Variants in TTN observed in about 807,000 individuals in gnomAD.
TTN encodes titin, also known as connectin.
A neutral mutation model predicts 3,223.0 loss-of-function variants in TTN; 1,525 were observed. That is an observed-to-expected ratio of 0.47 (90% CI 0.45 to 0.49). The LOEUF is 0.49. TTN is among the 20% of genes least tolerant of loss of function. TTN has a pLI of 0.00. For missense variants in TTN, 40,786 were observed against 43,424.0 expected (o/e 0.94, Z 5.40); for synonymous variants, 14,094 against 15,161.0 (o/e 0.93, Z 5.17).
At chr2:178,682,412 G>T (rs899861858) in intron 135 of TTN, among the ~76,000 whole-genome samples, 10 of 152,094 alleles carry the variant, frequency 6.6e-5, no homozygotes, top group East Asian at 1.9e-4. Flanking sequence ...TTTTGAAAAA[G>T]AAACTTAGGG....
intron 43 of TTN, among the ~76,000 whole-genome samples, chr2:178,762,199 G>A (rs567389714): frequency 6.6e-6 from 1 of 152,284 alleles, no homozygotes; most frequent in Non-Finnish European, 1.5e-5. Context: ...TTTAGTCCCA[G>A]TGGTATGAAA....
rs747031060 is a variant in TTN at position 178,559,637 on chromosome 2, C to G, written c.86495G>C (p.Ser28832Thr). 1 of 1,613,758 alleles carries G rather than the reference C, an allele frequency of 6.2e-7. No individual in the cohort carries two copies. Reference protein sequence around the residue: ...KYTLTIQNVLSAASLTLVVKV... With the variant: ...KYTLTIQNVLTAASLTLVVKV... The stretch of plus-strand genomic sequence containing the variant: ...GACAACTAAGGTCAGTGAAGCAGCA[C>G]TCAAAACATTCTGAATTGTTAATGT... Residue 28832 changes from serine (S) to threonine (T), a missense_variant, in exon 326 of 363, where the codon AGT becomes ACT. Ser to Thr is a moderately conservative substitution (Grantham distance 58). Coordinates refer to ENST00000589042, the MANE Select transcript of TTN (RefSeq NM_001267550.2).
chr2:178,575,036 C>T lies in TTN; in HGVS notation c.71096G>A (p.Ser23699Asn). ...TILNINECVR[S>N]DSGPYPLTAR... ...TGTTAATGGATAGGGCCCACTATCA[C>T]TTCTGACACACTCATTGATATTTAA... Residue 23699 changes from serine (S) to asparagine (N), a missense_variant, in exon 326 of 363, where the codon AGT becomes AAT. By Grantham distance (46) the Ser-to-Asn change is conservative (BLOSUM62 1). Transcript: ENST00000589042. This position sits in a 1 kb window ranked among gnomAD's most constrained non-coding sequence, Gnocchi z 4.0. The T allele has an allele frequency of 1.2e-6, 2 of 1,613,448 alleles. No homozygotes were observed.
chr2:178,692,165 A>G, intron 120 of TTN, 66 bp from the exon 121 acceptor site: 1 of 1,392,504 alleles, frequency 7.2e-7, no homozygotes, highest in South Asian at 1.2e-5. Context: ...ATCTAAGATT[A>G]CATTAAAGCA....
rs745323281 is a variant in TTN, at chr2:178,587,566, A to G, written c.63743T>C (p.Leu21248Pro). 2.1e-5 allele frequency: 34 copies of G among 1,612,040 alleles called. No homozygotes were observed. Among genetic ancestry groups the G allele is most frequent in the Admixed American group, 5.0e-5 (3 of 59,834 alleles). Residue 21248 changes from leucine (L) to proline (P), a missense_variant, in exon 306 of 363, where the codon CTT becomes CCT. By Grantham distance (98) the Leu-to-Pro change is moderately conservative. Coordinates refer to ENST00000589042, the MANE Select transcript of TTN (RefSeq NM_001267550.2). Reference protein sequence around the residue: ...RDDSGKYSLTLVNPAGEKAVF... With the variant: ...RDDSGKYSLTPVNPAGEKAVF... ...AGCCTTTTCTCCTGCTGGGTTCACA[A>G]GTGTTAAGGAATATTTTCCTGAGTC...
rs1385421498 is a variant in TTN, at chr2:178,561,214, A to G, written c.84918T>C (p.Asn28306=). 8.1e-6 allele frequency: 13 copies of G among 1,613,446 alleles called. No individual in the cohort carries two copies. The highest frequency in any genetic ancestry group is 1.1e-5 in the South Asian group (1 of 91,086). The change falls in exon 326 of 363, where the codon AAT becomes AAC. Residue 28306 remains asparagine, a synonymous_variant. Coordinates refer to ENST00000589042, the MANE Select transcript of TTN (RefSeq NM_001267550.2). ...DGRWLKCNYT[N]IQETYFEVTE... is the part of the protein sequence containing the mutation. The stretch of plus-strand genomic sequence containing the variant: ...TTACTTCAAAGTATGTTTCTTGTAT[A>G]TTAGTATAATTGCACTTCAGCCACC...
At position 178,587,521 on chromosome 2, in the gene TTN, A is replaced by C; in HGVS notation, c.63788T>G (p.Val21263Gly). 6.2e-7 allele frequency: 1 copy of C among 1,609,020 alleles called. No homozygotes were observed. The highest frequency in any genetic ancestry group is 8.5e-7 in the Non-Finnish European group (1 of 1,177,306). ...GAAGCATTTTAGTAACCCACCTAAT[A>C]CTCTGACATTTACGAATACAGCCTT... ...GEKAVFVNVR[V>G]LDTPGPVSDL... The change falls in exon 306 of 363, where the codon GTA becomes GGA. Residue 21263 changes from valine to glycine, a missense_variant. Physicochemically the swap from Val to Gly is moderately radical, Grantham distance 109. Coordinates refer to ENST00000589042, the MANE Select transcript of TTN (RefSeq NM_001267550.2).
rs1034466084 is a variant in TTN, at chr2:178,728,876, G to A, written c.19147+15C>T. 1 of 1,580,944 alleles carries A rather than the reference G, an allele frequency of 6.3e-7. No individual in the cohort carries two copies. The highest frequency in any genetic ancestry group is 1.4e-5 in the African/African-American group (1 of 73,882). On this transcript the variant is annotated intron_variant, in intron 65 of 362. Coordinates refer to ENST00000589042, the MANE Select transcript of TTN (RefSeq NM_001267550.2). ...GTCGCTATAGACTATCTTTGAAAGA[G>A]AATAGCTTACAAACCTTGTACTAAA...
chr2:178,800,315 T>C, intron 4 of TTN, 80 bp downstream of exon 4: 1 of 1,569,248 alleles, frequency 6.4e-7, no homozygotes, highest in Non-Finnish European at 8.7e-7. Flanking sequence ...CTGTGAGAGG[T>C]GGCAAGTGGA....
rs748258568 is a variant in TTN, at chr2:178,566,907, G to A, written c.79225C>T (p.Arg26409Cys). The A allele has an allele frequency of 1.4e-5, 22 of 1,613,380 alleles. No individual in the cohort carries two copies. In the South Asian group the frequency reaches 1.6e-4, roughly 12 times the overall value. The part of the protein sequence containing the change: ...AKDSMTVCWN[R>C]PDSDGGSEII... Reference sequence around the variant, plus strand: ...TCACTTCCACCATCACTATCTGGACGGTTCCAACAGACGGTCATGGAGTCT... The same window carrying A: ...TCACTTCCACCATCACTATCTGGACAGTTCCAACAGACGGTCATGGAGTCT... The change falls in exon 326 of 363, where the codon CGT becomes TGT. Residue 26409 changes from arginine to cysteine, a missense_variant. Physicochemically the swap from Arg to Cys is radical, Grantham distance 180. Coordinates refer to ENST00000589042, the MANE Select transcript of TTN (RefSeq NM_001267550.2).
At chr2:178,639,849 G>T in intron 222 of TTN, 61 bp from the exon 223 acceptor site, 1 of 1,497,382 alleles carries the variant, frequency 6.7e-7, no homozygotes, top group Non-Finnish European at 9.0e-7. Context: ...AACTTATTTG[G>T]TAGCTTATTT....
At chr2:178,702,801 G>A (rs2075234725) in intron 106 of TTN, 138 bp from the exon 107 acceptor site, 2 of 788,758 alleles carry the variant, frequency 2.5e-6, no homozygotes, top group Non-Finnish European at 3.8e-6. Context: ...AATCCAAAAT[G>A]AGAAGAAATG....
rs920369542 is a variant in TTN at position 178,548,470 on chromosome 2, C to T, written c.93156G>A (p.Val31052=). 3 of 1,613,830 alleles carry T rather than the reference C, an allele frequency of 1.9e-6. No individual in the cohort carries two copies. Among genetic ancestry groups the T allele is most frequent in the Non-Finnish European group, 2.5e-6 (3 of 1,179,798 alleles). ...LDGGARIHHY[V]VEKREASRRS... ...GGCGACTTGCCTCTCGTTTCTCTAC[C>T]ACATAATGATGGATTCGGGCACCAC... Residue 31052 remains valine (V), a synonymous_variant, in exon 339 of 363, where the codon GTG becomes GTA. Coordinates refer to ENST00000589042, the MANE Select transcript of TTN (RefSeq NM_001267550.2). This position sits in a 1 kb window ranked among gnomAD's most constrained non-coding sequence, Gnocchi z 4.3.
chr2:178,615,253 C>A (rs2057120426), intron 259 of TTN, 54 bp downstream of exon 259: 1 of 1,582,750 alleles, frequency 6.3e-7, no homozygotes, highest in Non-Finnish European at 8.6e-7. Context: ...CCAACAAAGC[C>A]CATTTTAGTG....
At position 178,767,867 on chromosome 2, in the gene TTN, C is replaced by T. The variant is rs200413367; in HGVS notation, c.9363G>A (p.Met3121Ile). ...VHRLLIPSTR[M>I]SDAGKYTVVA... ...CCACTGTGTACTTCCCAGCATCAGA[C>T]ATCCGGGTGGATGGGATCAGAAGGC... Residue 3121 changes from methionine to isoleucine, a missense_variant, in exon 40 of 363, where the codon ATG (methionine) becomes ATA (isoleucine). Transcript: ENST00000589042. 74 of 1,614,020 alleles carry T rather than the reference C, an allele frequency of 4.6e-5. No individual in the cohort carries two copies. Among genetic ancestry groups the T allele is most frequent in the Admixed American group, 1.7e-5 (1 of 59,998 alleles).
In TTN at chr2:178,538,807, G is replaced by A. The variant is rs771594208; in HGVS notation, c.99022C>T (p.Leu33008Phe). The A allele has an allele frequency of 2.5e-6, 4 of 1,611,112 alleles. No homozygotes were observed. The highest frequency in any genetic ancestry group is 3.4e-6 in the Non-Finnish European group (4 of 1,178,228). ...KPSQPGELEILSISKDSVTLQ... is the reference protein window; with the variant it reads ...KPSQPGELEIFSISKDSVTLQ... The stretch of plus-strand genomic sequence containing the variant: ...GTGACACTATCTTTGGATATTGAAA[G>A]AATCTCAAGTTCTCCTGGTTGGCTT... The change falls in exon 354 of 363, where the codon CTT becomes TTT. Residue 33008 changes from leucine (L) to phenylalanine (F), a missense_variant. Physicochemically the swap from Leu to Phe is conservative, Grantham distance 22. Transcript: ENST00000589042.
rs541680047 is a variant in TTN at position 178,576,127 on chromosome 2, G to A, written c.70005C>T (p.Ile23335=). 2.3e-5 allele frequency: 37 copies of A among 1,613,386 alleles called. 1 individual carries two copies. In the Admixed American group the frequency reaches 3.7e-4, roughly 16 times the overall value. ...GEPAVIPDVE[I]VEREMAPDFE... is the part of the protein sequence containing the mutation. Reference sequence around the variant, plus strand: ...AATCAGGAGCCATCTCCCGTTCTACGATTTCAACATCTGGAATCACCGCTG... The same window carrying A: ...AATCAGGAGCCATCTCCCGTTCTACAATTTCAACATCTGGAATCACCGCTG... The change falls in exon 326 of 363, where the codon ATC becomes ATT. Residue 23335 remains isoleucine, a synonymous_variant. Transcript: ENST00000589042. The surrounding 1 kb of genome is among the most constrained non-coding windows in gnomAD (Gnocchi z 4.3).
chr2:178,701,063 T>C, intron 111 of TTN, 57 bp downstream of exon 111: 1 of 1,546,622 alleles, frequency 6.5e-7, no homozygotes, highest in East Asian at 2.3e-5. Context: ...AGCAACATTT[T>C]TCGGGTCAGC....
chr2:178,716,476 C>T (rs1006876816), intron 88 of TTN, among the ~76,000 whole-genome samples: 3 of 152,138 alleles, frequency 2.0e-5, no homozygotes, highest in Non-Finnish European at 4.4e-5. Context: ...CTTAAAAATA[C>T]TCTAATGGAC....
Sources: gnomAD v4.1 joint callset for allele counts (sites outside exome capture counted in the v4.1 genomes callset) on GRCh38, gnomAD v4.1.1 for gene constraint, Gnocchi (gnomAD v3.1) non-coding constraint, MANE v1.5 for transcripts, NCBI Gene and HGNC (gene_info 2026-07-23, HGNC 2026-07-21) for gene names.